Variants in FAM184A observed in about 807,000 individuals in gnomAD.
FAM184A encodes the protein family with sequence similarity 184 member A.
In FAM184A, 99 loss-of-function variants were observed where a neutral mutation model predicts 143.8. That is an observed-to-expected ratio of 0.69 (90% CI 0.58 to 0.81). FAM184A has a LOEUF of 0.81. Ranked by LOEUF, FAM184A falls within the 40% of genes least tolerant of loss-of-function variation. FAM184A has a pLI of 0.00. For synonymous variants in FAM184A, 427 were observed against 446.4 expected, an observed-to-expected ratio of 0.96 and a Z score of 0.55; for missense variants, 1,217 against 1,310.5, an observed-to-expected ratio of 0.93 and a Z score of 1.10.
rs1355104226 is a variant in FAM184A, at chr6:118,980,067, T to G, written c.2301+71A>C. 4 of 1,382,852 alleles carry G rather than the reference T, an allele frequency of 2.9e-6. No homozygotes were observed. The East Asian group carries it at 7.2e-5, about 25-fold the overall frequency. 85.7% of individuals were successfully genotyped at this position (1,382,852 alleles called of 1,614,324 possible). On this transcript the variant is annotated intron_variant, in intron 10 of 17. Transcript: ENST00000338891. ...TGTCTCAAAAAATAGAAAAAAAAAT[T>G]TTTTTAATTTGAAGACTAATTATTA... is the stretch of plus-strand genomic sequence containing the variant.
intron 1 of FAM184A, among the ~76,000 whole-genome samples, chr6:119,134,681 A>T (rs1789617127): frequency 6.6e-6 from 1 of 151,746 alleles, no homozygotes; most frequent in Non-Finnish European, 1.5e-5. Context: ...AGAAAGAAAT[A>T]AAAAAAGAAA....
chr6:119,133,147 G>A (rs148810487), intron 1 of FAM184A, among the ~76,000 whole-genome samples: 132 of 152,278 alleles, frequency 8.7e-4, no homozygotes, highest in African/African-American at 3.1e-3. Context: ...AAAGTCTTAG[G>A]AGGAACCATG....
At chr6:119,026,136 C>T (rs1392586260) in intron 1 of FAM184A, among the ~76,000 whole-genome samples, 1 of 152,170 alleles carries the variant, frequency 6.6e-6, no homozygotes, top group Non-Finnish European at 1.5e-5. Flanking sequence ...GCTTAGTCTG[C>T]CATCATACCA....
At chr6:119,042,152 G>T (rs573789599) in intron 1 of FAM184A, among the ~76,000 whole-genome samples, 1 of 152,146 alleles carries the variant, frequency 6.6e-6, no homozygotes, top group Non-Finnish European at 1.5e-5. Context: ...GGTAAGACTG[G>T]TTAAGCCCAG....
intron 1 of FAM184A, among the ~76,000 whole-genome samples, chr6:119,036,953 G>C (rs894932255): frequency 2.6e-5 from 4 of 152,128 alleles, no homozygotes; most frequent in African/African-American, 9.7e-5. Context: ...CAGTTGTCAA[G>C]AACTACGAGG....
At chr6:119,067,348 C>T (rs1787494159) in intron 1 of FAM184A, among the ~76,000 whole-genome samples, 1 of 152,170 alleles carries the variant, frequency 6.6e-6, no homozygotes, top group Non-Finnish European at 1.5e-5. Context: ...GTCACTTAGG[C>T]CCCTAACAAT....
chr6:119,005,691 C>T (rs1239750533), intron 7 of FAM184A: 1 of 163,906 alleles, frequency 6.1e-6, no homozygotes, highest in Non-Finnish European at 1.3e-5. Context: ...ATACAACCAA[C>T]CTGACTTCAG....
intron 1 of FAM184A, among the ~76,000 whole-genome samples, chr6:119,056,474 T>C (rs541531535): frequency 6.6e-6 from 1 of 152,314 alleles, no homozygotes; most frequent in East Asian, 1.9e-4. Context: ...TTATGCTTAC[T>C]AGAATACATT....
intron 1 of FAM184A, among the ~76,000 whole-genome samples, chr6:119,034,033 TATATATATAGAG>T (rs1266042297): frequency 0.01 from 264 of 25,218 alleles, 1 homozygote; most frequent in Middle Eastern, 0.029. Context: ...TATATATATA[TATATATATAGAG>T]AGAGAGAGAG....
intron 6 of FAM184A, 65 bp from the exon 7 acceptor site, chr6:119,006,673 T>G: frequency 7.8e-7 from 1 of 1,276,440 alleles, no homozygotes. Context: ...AGTCTTACAA[T>G]TTCTTCCTAA....
intron 1 of FAM184A, among the ~76,000 whole-genome samples, chr6:119,075,211 A>C (rs1481071185): frequency 1.3e-5 from 2 of 152,252 alleles, no homozygotes; most frequent in Non-Finnish European, 2.9e-5. Flanking sequence ...GAGAAAAAAA[A>C]CTACTATATA....
intron 1 of FAM184A, among the ~76,000 whole-genome samples, chr6:119,129,948 T>C (rs141692182): frequency 6.6e-6 from 1 of 152,250 alleles, no homozygotes; most frequent in East Asian, 1.9e-4. Context: ...ATCTACTTAA[T>C]TATATAAACT....
At chr6:119,081,773 T>G (rs1788073797), upstream of FAM184A, among the ~76,000 whole-genome samples, 1 of 152,204 alleles carries the variant, frequency 6.6e-6, no homozygotes, top group Non-Finnish European at 1.5e-5. Context: ...AACTCCTTGT[T>G]GTTCTGCCAG....
chr6:119,068,638 TG>T (rs1173270474), intron 1 of FAM184A, among the ~76,000 whole-genome samples: 1 of 152,214 alleles, frequency 6.6e-6, no homozygotes, highest in Non-Finnish European at 1.5e-5. Flanking sequence ...TGATGGGCAC[TG>T]CTGCCTCACT....
chr6:119,137,788 C>A (rs1772071872), intron 1 of FAM184A, among the ~76,000 whole-genome samples: 1 of 152,202 alleles, frequency 6.6e-6, no homozygotes, highest in South Asian at 2.1e-4. Context: ...TCCTCAGAGC[C>A]AAGGCCCTGT....
intron 1 of FAM184A, among the ~76,000 whole-genome samples, chr6:119,118,568 T>A (rs1789121676): frequency 6.6e-6 from 1 of 152,228 alleles, no homozygotes; most frequent in Non-Finnish European, 1.5e-5. Context: ...TTTTTATAAT[T>A]TCTTACGCCT....
At position 119,024,048 on chromosome 6, in the gene FAM184A, ACT is replaced by A. The variant is rs771755107; in HGVS notation, c.923_924del (p.Glu308ValfsTer7). 6.2e-7 allele frequency: 1 copy of A among 1,614,042 alleles called. No homozygotes were observed. Among genetic ancestry groups the A allele is most frequent in the Non-Finnish European group, 8.5e-7 (1 of 1,179,992 alleles). ...LRKTIGKLKT[E>X]LQMVQDEAGS... Reference sequence around the variant, plus strand: ...CCAGCTTCATCCTGTACCATCTGTAACTCTGTCTTTAATTTTCCTATAGTTTT... The same window carrying A: ...CCAGCTTCATCCTGTACCATCTGTAACTGTCTTTAATTTTCCTATAGTTTT... On this transcript the variant is annotated frameshift_variant, in exon 2 of 18. Coordinates refer to ENST00000338891, the MANE Select transcript of FAM184A (RefSeq NM_024581.6). LOFTEE classifies it high-confidence loss of function.
In FAM184A at chr6:118,983,919, C is replaced by T. The variant is rs992344277; in HGVS notation, c.2089-3569G>A. On this transcript the variant is annotated intron_variant, in intron 9 of 17. Transcript: ENST00000338891. ...ATCCCTGCATTTTAGGAGGCCGAGA[C>T]GGGTGGATCACCAGAGGTCAGGCAT... 5.3e-5 allele frequency among the ~76,000 whole-genome samples: 8 copies of T among 151,532 alleles called. No homozygotes were observed. In the South Asian group the frequency reaches 6.3e-4, roughly 12 times the overall value.
intron 7 of FAM184A, among the ~76,000 whole-genome samples, chr6:119,005,106 C>G (rs1784880912): frequency 6.6e-6 from 1 of 152,016 alleles, no homozygotes; most frequent in Non-Finnish European, 1.5e-5. Context: ...ATAGTTTGGT[C>G]ATCGAGTTCA....
Sources: gnomAD v4.1 joint callset for allele counts (sites outside exome capture counted in the v4.1 genomes callset) on GRCh38, gnomAD v4.1.1 for gene constraint, MANE v1.5 for transcripts, NCBI Gene and HGNC (gene_info 2026-07-23, HGNC 2026-07-21) for gene names.